The following TNK2 variants were observed in gnomAD, a reference collection of about 807,000 sequenced individuals.
TNK2 encodes tyrosine kinase non receptor 2.
Under a neutral mutation model 101.8 loss-of-function variants are expected in TNK2, and 83 were observed. The observed-to-expected ratio is 0.82, with a 90% confidence interval of 0.68 to 0.98. The LOEUF (loss-of-function observed/expected upper bound fraction) is 0.98, where lower values mean the gene tolerates loss of function less well. Among genes scored for constraint, TNK2 ranks in the 50% least tolerant of loss-of-function variants. TNK2 has a pLI of 0.00. For synonymous variants in TNK2, 804 were observed against 633.0 expected (o/e 1.27, Z -4.06); for missense variants, 1,665 against 1,483.2 (o/e 1.12, Z -2.01).
chr3:195,903,336 G>A (rs1277299947), intron 1 of TNK2, among the ~76,000 whole-genome samples: 2 of 151,802 alleles, frequency 1.3e-5, no homozygotes, highest in South Asian at 2.1e-4. Flanking sequence ...CACCGCGCCC[G>A]GCCAGCTAAC....
In TNK2 at chr3:195,870,186, T is replaced by G; in HGVS notation, c.1471A>C (p.Met491Leu). Residue 491 changes from methionine to leucine, a missense_variant, in exon 11 of 16, where the codon ATG becomes CTG. Met to Leu is a conservative substitution (Grantham distance 15). Transcript: ENST00000672887. Reference sequence around the variant, plus strand: ...ACGCTCAGGAGGTCGGGGGGGTCCATGGGGTTTCCCAGATACAGTCTGTGG... The same window carrying G: ...ACGCTCAGGAGGTCGGGGGGGTCCAGGGGGTTTCCCAGATACAGTCTGTGG... ...RIDELYLGNP[M>L]DPPDLLSVEL... 2 of 1,533,472 alleles carry G rather than the reference T, an allele frequency of 1.3e-6. No homozygotes were observed. Among genetic ancestry groups the G allele is most frequent in the Non-Finnish European group, 1.8e-6 (2 of 1,134,074 alleles). The allele number at this position is 1,533,472 out of a possible 1,614,324, so 95.0% of individuals were successfully genotyped here. A position where few individuals can be genotyped will look rare whatever the true frequency, so the allele number is the denominator to read the frequency against.
At chr3:195,891,901 A>G in intron 1 of TNK2, 1 of 986,038 alleles carries the variant, frequency 1.0e-6, no homozygotes, top group Non-Finnish European at 1.2e-6. Context: ...CTGAAACACC[A>G]GCTAATGCAC....
intron 6 of TNK2, 190 bp from the exon 7 acceptor site, chr3:195,879,365 G>C: frequency 1.3e-6 from 1 of 759,356 alleles, no homozygotes; most frequent in South Asian, 1.9e-5. Flanking sequence ...TGGGGAAATC[G>C]TCTAAGCCCA....
intron 2 of TNK2, 40 bp from the exon 3 acceptor site, chr3:195,887,087 C>G: frequency 2.5e-6 from 4 of 1,606,826 alleles, no homozygotes; most frequent in Non-Finnish European, 3.4e-6. Flanking sequence ...TGAAGGCCGC[C>G]GTAGCCCGAG....
chr3:195,899,785 C>T lies in TNK2; in HGVS notation c.-19+8700G>A, dbSNP rs988291657. ...TCGTAAGGGAACCATCTGTCCACAT[C>T]TGTCGCCCTGAAGGGAGAACCTGGC... On this transcript the variant is annotated intron_variant, in intron 1 of 15. Transcript: ENST00000672887. Among the ~76,000 whole-genome samples the T allele has an allele frequency of 2.6e-5, 4 of 152,240 alleles. No homozygotes were observed. The South Asian group carries it at 8.3e-4, about 32-fold the overall frequency.
chr3:195,899,786 T>C (rs1420639831), intron 1 of TNK2, among the ~76,000 whole-genome samples: 1 of 152,224 alleles, frequency 6.6e-6, no homozygotes, highest in Non-Finnish European at 1.5e-5. Flanking sequence ...TGTCCACATC[T>C]GTCGCCCTGA....
At chr3:195,867,335 C>T (rs112312452) in intron 13 of TNK2, 26 bp downstream of exon 13, 246 of 1,608,200 alleles carry the variant, frequency 1.5e-4, no homozygotes, top group Admixed American at 4.0e-4. Context: ...TGCCCCGCTT[C>T]GCCCACAGCC....
rs748188076 is a variant in TNK2 at position 195,896,077 on chromosome 3, C to G, written c.-18-7471G>C. 8.7e-4 allele frequency: 396 copies of G among 455,530 alleles called. 2 individuals carry two copies. The highest frequency in any genetic ancestry group is 1.0e-3 in the Non-Finnish European group (230 of 226,614). 28.2% of individuals were successfully genotyped at this position (455,530 alleles called of 1,614,324 possible). ...CCTCCTTGACTTCAGAGCGGTGACACGAGGGCCCGGACTCCTGCTCAAAAG... is the reference window on the plus strand; with the variant it reads ...CCTCCTTGACTTCAGAGCGGTGACAGGAGGGCCCGGACTCCTGCTCAAAAG... On this transcript the variant is annotated intron_variant, in intron 1 of 15. Transcript: ENST00000672887.
At position 195,886,920 on chromosome 3, in the gene TNK2, G is replaced by C; in HGVS notation, c.234+57C>G. On this transcript the variant is annotated intron_variant, in intron 3 of 15. Transcript: ENST00000672887. The surrounding 1 kb of genome is among the most constrained non-coding windows in gnomAD (Gnocchi z 4.2). The stretch of plus-strand genomic sequence containing the variant: ...GGGGAAGGTTCCCAGGACCAGAAGC[G>C]GAGGGGGGCGTTCGAGGCTGCCCCC... 11 of 1,586,034 alleles carry C rather than the reference G, an allele frequency of 6.9e-6. No homozygotes were observed. In the South Asian group the frequency reaches 1.1e-4, roughly 16 times the overall value.
rs1252366400 is a variant in TNK2, at chr3:195,878,119, GCAGGGTT to G, written c.1256+127_1256+133del. 3 of 866,928 alleles carry G rather than the reference GCAGGGTT, an allele frequency of 3.5e-6. No homozygotes were observed. The highest frequency in any genetic ancestry group is 5.6e-6 in the Non-Finnish European group (3 of 534,128). 53.7% of individuals were successfully genotyped at this position (866,928 alleles called of 1,614,324 possible). On this transcript the variant is annotated intron_variant, in intron 9 of 15. Transcript: ENST00000672887. This position sits in a 1 kb window ranked among gnomAD's most constrained non-coding sequence, Gnocchi z 4.7. ...GGCAGGCCTGTCCTCCCCTCACACT[GCAGGGTT>G]CAGGCCCAACCGCCAGCCTGTATGT...
At chr3:195,895,381 A>G (rs1760171179) in intron 1 of TNK2, 2 of 1,550,542 alleles carry the variant, frequency 1.3e-6, no homozygotes, top group African/African-American at 1.4e-5. Flanking sequence ...CGGCAGCGTC[A>G]CTGCCCTGCG....
chr3:195,903,319 C>A (rs865962904), intron 1 of TNK2, among the ~76,000 whole-genome samples: 1 of 151,742 alleles, frequency 6.6e-6, no homozygotes, highest in African/African-American at 2.4e-5. Context: ...GGATTACAGG[C>A]GTGAGCCACC....
chr3:195,869,382 C>T (rs1271324269), intron 12 of TNK2, 115 bp downstream of exon 12: 1 of 1,055,172 alleles, frequency 9.5e-7, no homozygotes, highest in Admixed American at 2.0e-5. Context: ...GCTCACAGCA[C>T]ACACCCACCC....
At position 195,895,287 on chromosome 3, in the gene TNK2, A is replaced by C. The variant is rs767152182; in HGVS notation, c.-18-6681T>G. 12 of 1,569,980 alleles carry C rather than the reference A, an allele frequency of 7.6e-6. No homozygotes were observed. The Admixed American group carries it at 2.0e-4, about 27-fold the overall frequency. ...CCCCCAGCCAGGCGCTGGTAAGCAG[A>C]TCTCTCCCCCATGGAGCCCCAAATC... On this transcript the variant is annotated intron_variant, in intron 1 of 15. Coordinates refer to ENST00000672887, the MANE Select transcript of TNK2 (RefSeq NM_001382273.1).
At position 195,895,296 on chromosome 3, in the gene TNK2, C is replaced by A. The variant is rs757579542; in HGVS notation, c.-18-6690G>T. ...AGGCGCTGGTAAGCAGATCTCTCCC[C>A]CATGGAGCCCCAAATCCCAGCGGCT... On this transcript the variant is annotated intron_variant, in intron 1 of 15. Coordinates refer to ENST00000672887, the MANE Select transcript of TNK2 (RefSeq NM_001382273.1). The A allele has an allele frequency of 1.3e-6, 2 of 1,573,888 alleles. No individual in the cohort carries two copies. The highest frequency in any genetic ancestry group is 1.7e-6 in the Non-Finnish European group (2 of 1,161,676).
chr3:195,869,589 G>C (rs1232501260), intron 11 of TNK2, 48 bp from the exon 12 acceptor site: 1 of 1,535,970 alleles, frequency 6.5e-7, no homozygotes, highest in Non-Finnish European at 8.8e-7. Context: ...GAGCAGGACA[G>C]AGGACAAAGG....
At chr3:195,903,425 T>G (rs1417491785) in intron 1 of TNK2, among the ~76,000 whole-genome samples, 1 of 152,194 alleles carries the variant, frequency 6.6e-6, no homozygotes, top group Non-Finnish European at 1.5e-5. Context: ...TTCAACATTA[T>G]ATTAGATGAG....
Position 195,866,917 on chromosome 3 carries a change from G to A in TNK2, c.3133C>T (p.Leu1045=). Residue 1045 remains leucine, a synonymous_variant, in exon 15 of 16, where the codon CTG becomes TTG. Coordinates refer to ENST00000672887, the MANE Select transcript of TNK2 (RefSeq NM_001382273.1). ...TGGTGGGCAGGGCCCCAGGAGCCCA[G>A]AAGGTGGCAGCCGGCCTGCTCCAGG... ...WNLEQAGCHL[L]GSWGPAHHKR is the part of the protein sequence containing the mutation. 3 of 1,612,054 alleles carry A rather than the reference G, an allele frequency of 1.9e-6. No individual in the cohort carries two copies. The highest frequency in any genetic ancestry group is 8.5e-7 in the Non-Finnish European group (1 of 1,179,512).
Position 195,868,597 on chromosome 3 carries a change from C to G in TNK2, c.1701G>C (p.Ser567=). ...LPRGLWLAKP[S]ARVPGTKASR... is the part of the protein sequence containing the mutation. ...TGGCCTTGGTGCCCGGCACCCGCGC[C>G]GAGGGCTTCGCCAGCCACAGCCCTC... Residue 567 remains serine, a synonymous_variant, in exon 13 of 16, where the codon TCG becomes TCC. Coordinates refer to ENST00000672887, the MANE Select transcript of TNK2 (RefSeq NM_001382273.1). 1 of 1,578,832 alleles carries G rather than the reference C, an allele frequency of 6.3e-7. No individual in the cohort carries two copies. The highest frequency in any genetic ancestry group is 8.5e-7 in the Non-Finnish European group (1 of 1,171,704).
Sources: gnomAD v4.1 joint callset for allele counts (sites outside exome capture counted in the v4.1 genomes callset) on GRCh38, gnomAD v4.1.1 for gene constraint, Gnocchi (gnomAD v3.1) non-coding constraint, MANE v1.5 for transcripts, NCBI Gene and HGNC (gene_info 2026-07-23, HGNC 2026-07-21) for gene names.